The following KDM3B variants were observed in gnomAD, a reference collection of about 807,000 sequenced individuals.
KDM3B encodes lysine demethylase 3B, also known as lysine-specific demethylase 3B.
In KDM3B, 10 loss-of-function variants were observed where a neutral mutation model predicts 170.0. The observed-to-expected ratio is 0.06, with a 90% CI of 0.04 to 0.10. KDM3B has a LOEUF of 0.10. KDM3B is among the 10% of genes least tolerant of loss of function. The probability of loss-of-function intolerance (pLI) is 1.00; values close to 1 mark genes in which losing one functional copy is unlikely to be tolerated. For missense variants in KDM3B, 1,394 were observed against 2,195.2 expected, an observed-to-expected ratio of 0.64 and a Z score of 7.29; for synonymous variants, 831 against 834.8, an observed-to-expected ratio of 1.00 and a Z score of 0.08.
intron 15 of KDM3B, among the ~76,000 whole-genome samples, chr5:138,423,356 A>G (rs1234704408): frequency 6.6e-6 from 1 of 151,742 alleles, no homozygotes; most frequent in Non-Finnish European, 1.5e-5. Flanking sequence ...ATGATGTTAC[A>G]TAATTATACA....
rs1326533556 is a variant in KDM3B, at chr5:138,393,163, T to C, written c.2630-8T>C. ...TGACAAACTTTTCTTCTCTCCCCCTTGCCACAGTTGGCCAGTCAGTGCTGA... is the reference window on the plus strand; with the variant it reads ...TGACAAACTTTTCTTCTCTCCCCCTCGCCACAGTTGGCCAGTCAGTGCTGA... On this transcript the variant is annotated splice_polypyrimidine_tract_variant and splice_region_variant and intron_variant, in intron 8 of 23. Coordinates refer to ENST00000314358, the MANE Select transcript of KDM3B (RefSeq NM_016604.4). 1 of 1,613,572 alleles carries C rather than the reference T, an allele frequency of 6.2e-7. No individual in the cohort carries two copies. Among genetic ancestry groups the C allele is most frequent in the South Asian group, 1.1e-5 (1 of 91,068 alleles).
At chr5:138,353,479 A>T (rs1761380496) in intron 1 of KDM3B, among the ~76,000 whole-genome samples, 1 of 152,042 alleles carries the variant, frequency 6.6e-6, no homozygotes, top group South Asian at 2.1e-4. Flanking sequence ...CTGCAGTTGG[A>T]GCTGGTCGGG....
At chr5:138,367,759 A>T (rs1471974117) in intron 1 of KDM3B, among the ~76,000 whole-genome samples, 1 of 152,182 alleles carries the variant, frequency 6.6e-6, no homozygotes, top group African/African-American at 2.4e-5. Context: ...TCACCCCTGT[A>T]ATCCCAGCGC....
chr5:138,419,975 T>C lies in KDM3B; in HGVS notation c.3716-731T>C, dbSNP rs572237160. 5.2e-3 allele frequency among the ~76,000 whole-genome samples: 796 copies of C among 152,228 alleles called. 8 individuals are homozygous for C. Among genetic ancestry groups the C allele is most frequent in the Non-Finnish European group, 6.4e-3 (436 of 68,014 alleles). ...ATCTTGGCTCACTGCAACCTCCGTCTCCCAGGTTCAAGTGATTCTCCTGCC... is the reference window on the plus strand; with the variant it reads ...ATCTTGGCTCACTGCAACCTCCGTCCCCCAGGTTCAAGTGATTCTCCTGCC... On this transcript the variant is annotated intron_variant, in intron 14 of 23. Transcript: ENST00000314358.
At chr5:138,375,539 GGCT>G (rs1761976228) in intron 3 of KDM3B, among the ~76,000 whole-genome samples, 1 of 149,134 alleles carries the variant, frequency 6.7e-6, no homozygotes, top group Non-Finnish European at 1.5e-5. Context: ...CACAAAGCCC[GGCT>G]TATTTTTTTG....
chr5:138,390,736 G>A (rs1762405939), intron 7 of KDM3B, among the ~76,000 whole-genome samples: 1 of 152,156 alleles, frequency 6.6e-6, no homozygotes, highest in Admixed American at 6.6e-5. Context: ...CTAGCACTGT[G>A]ACGACCAATT....
In KDM3B at chr5:138,390,313, T is replaced by C. The variant is rs192415220; in HGVS notation, c.1381-700T>C. 3.7e-3 allele frequency among the ~76,000 whole-genome samples: 570 copies of C among 152,346 alleles called. 1 individual carries two copies. Among genetic ancestry groups the C allele is most frequent in the Middle Eastern group, 0.01 (3 of 294 alleles). On this transcript the variant is annotated intron_variant, in intron 7 of 23. Coordinates refer to ENST00000314358, the MANE Select transcript of KDM3B (RefSeq NM_016604.4). ...TACATTTATCCTCTTTGGATTCTTA[T>C]TAGATTCTAATTATAACAAAGGTCT...
intron 11 of KDM3B, among the ~76,000 whole-genome samples, chr5:138,400,578 T>TCA (rs1279820835): frequency 1.3e-5 from 2 of 152,056 alleles, no homozygotes; most frequent in African/African-American, 4.8e-5. Flanking sequence ...AGACCCCATC[T>TCA]CTACAAAATA....
intron 23 of KDM3B, among the ~76,000 whole-genome samples, chr5:138,433,169 T>A (rs1479980953): frequency 6.6e-6 from 1 of 151,360 alleles, no homozygotes; most frequent in Non-Finnish European, 1.5e-5. Flanking sequence ...TGGAGTGCAG[T>A]GGCATGATCT....
chr5:138,421,908 C>T (rs1763282465), intron 15 of KDM3B, among the ~76,000 whole-genome samples: 1 of 152,152 alleles, frequency 6.6e-6, no homozygotes, highest in Non-Finnish European at 1.5e-5. Context: ...CTTCAACTAC[C>T]ACTCTCTGTT....
chr5:138,425,581 C>G lies in KDM3B; in HGVS notation c.4410C>G (p.Cys1470Trp). ...TCTGGGATGGTTTCGAGATCATATG[C>G]AGTAAGTAGCTTTCATATCTAGTTC... ...RDFWDGFEII[C>W]KRLRSEDGQP... Residue 1470 changes from cysteine (C) to tryptophan (W), a missense_variant and splice_region_variant, in exon 17 of 24, where the codon TGC becomes TGG. Transcript: ENST00000314358. 6.2e-7 allele frequency: 1 copy of G among 1,613,314 alleles called. No homozygotes were observed. Among genetic ancestry groups the G allele is most frequent in the South Asian group, 1.1e-5 (1 of 91,002 alleles).
At chr5:138,403,217 T>G (rs1762732015) in intron 11 of KDM3B, among the ~76,000 whole-genome samples, 1 of 152,140 alleles carries the variant, frequency 6.6e-6, no homozygotes, top group African/African-American at 2.4e-5. Flanking sequence ...AAAGGAATAT[T>G]TAAAGGAGCA....
chr5:138,423,832 C>G (rs1414381777), intron 15 of KDM3B, among the ~76,000 whole-genome samples: 1 of 152,058 alleles, frequency 6.6e-6, no homozygotes, highest in East Asian at 1.9e-4. Context: ...TCAGATCTCT[C>G]GAGGCAAAAG....
At chr5:138,373,585 C>T (rs1443472187) in intron 2 of KDM3B, among the ~76,000 whole-genome samples, 1 of 152,084 alleles carries the variant, frequency 6.6e-6, no homozygotes, top group Non-Finnish European at 1.5e-5. Flanking sequence ...CAGGCTTAAG[C>T]CATCCTCCCA....
At chr5:138,427,413 T>C (rs1763425277) in intron 19 of KDM3B, 94 bp downstream of exon 19, 1 of 1,394,896 alleles carries the variant, frequency 7.2e-7, no homozygotes, top group Non-Finnish European at 9.8e-7. Flanking sequence ...GGTATAGAGA[T>C]GATTGCAGGC....
intron 1 of KDM3B, among the ~76,000 whole-genome samples, chr5:138,357,002 A>C (rs537536940): frequency 6.6e-6 from 1 of 150,580 alleles, no homozygotes; most frequent in Non-Finnish European, 1.5e-5. Context: ...TTATGTTATC[A>C]GAATTATCGG....
chr5:138,390,997 G>A lies in KDM3B; in HGVS notation c.1381-16G>A, dbSNP rs538208826. 4 of 1,531,756 alleles carry A rather than the reference G, an allele frequency of 2.6e-6. No homozygotes were observed. Among genetic ancestry groups the A allele is most frequent in the East Asian group, 2.3e-5 (1 of 43,986 alleles). The allele number at this position is 1,531,756 out of a possible 1,614,324, so 94.9% of individuals were successfully genotyped here. The stretch of plus-strand genomic sequence containing the variant: ...TGAGAAGCCAGCATCACTAATTCAG[G>A]CTATCTTCCTTTCAGAATTCAAGAA... On this transcript the variant is annotated splice_polypyrimidine_tract_variant and intron_variant, in intron 7 of 23. Transcript: ENST00000314358.
chr5:138,395,815 A>G (rs181736562), intron 9 of KDM3B, among the ~76,000 whole-genome samples: 5 of 151,946 alleles, frequency 3.3e-5, no homozygotes, highest in African/African-American at 9.6e-5. Context: ...ACAGGGTTTC[A>G]CCACATTGGC....
At chr5:138,368,940 G>C (rs548184126) in intron 1 of KDM3B, among the ~76,000 whole-genome samples, 1 of 152,300 alleles carries the variant, frequency 6.6e-6, no homozygotes, top group East Asian at 1.9e-4. Flanking sequence ...AAGTTCTTAT[G>C]TACAAAGAAT....
Sources: gnomAD v4.1 joint callset for allele counts (sites outside exome capture counted in the v4.1 genomes callset) on GRCh38, gnomAD v4.1.1 for gene constraint, MANE v1.5 for transcripts, NCBI Gene and HGNC (gene_info 2026-07-23, HGNC 2026-07-21) for gene names.